Variants in OR10J1 observed in about 807,000 individuals in gnomAD.
OR10J1 encodes the protein olfactory receptor 10J1.
For missense variants in OR10J1, 474 were observed against 376.6 expected, an observed-to-expected ratio of 1.26 and a Z score of -2.14; for synonymous variants, 202 against 143.8, an observed-to-expected ratio of 1.40 and a Z score of -2.89.
At chr1:159,439,414 A>G (rs1655836386), upstream of OR10J1, among the ~76,000 whole-genome samples, 1 of 152,198 alleles carries the variant, frequency 6.6e-6, no homozygotes. Flanking sequence ...TCTGAGTGTA[A>G]TACGGTTTTA....
the OR10J1 span, among the ~76,000 whole-genome samples, chr1:159,409,000 G>A: frequency 2.6e-5 from 4 of 152,002 alleles, no homozygotes; most frequent in Admixed American, 2.6e-4. Context: ...AAGCACCATG[G>A]TGTGTGGGAT....
At chr1:159,416,984 G>T in the OR10J1 span, among the ~76,000 whole-genome samples, 1 of 151,734 alleles carries the variant, frequency 6.6e-6, no homozygotes, top group South Asian at 2.1e-4. Flanking sequence ...CTCTTGGTTA[G>T]TCCATCTAGC....
At chr1:159,404,128 G>A in the OR10J1 span, among the ~76,000 whole-genome samples, 1 of 152,030 alleles carries the variant, frequency 6.6e-6, no homozygotes. Flanking sequence ...GCGGCTTGAG[G>A]GGGAGGTGGG....
chr1:159,437,630 G>T (rs542605461), upstream of OR10J1, among the ~76,000 whole-genome samples: 1 of 152,120 alleles, frequency 6.6e-6, no homozygotes, highest in Non-Finnish European at 1.5e-5. Context: ...CTCCCCAAGC[G>T]CTAGCCTGGA....
chr1:159,421,345 A>G, the OR10J1 span, among the ~76,000 whole-genome samples: 8 of 151,492 alleles, frequency 5.3e-5, no homozygotes, highest in African/African-American at 1.5e-4. Context: ...CTTTTATCTC[A>G]CTGAGATTCT....
At chr1:159,437,280 C>CA (rs1333332669), upstream of OR10J1, among the ~76,000 whole-genome samples, 1 of 152,074 alleles carries the variant, frequency 6.6e-6, no homozygotes, top group East Asian at 1.9e-4. Context: ...TGCCACAGGG[C>CA]AAGGACAGGC....
chr1:159,419,771 C>G, the OR10J1 span, among the ~76,000 whole-genome samples: 1 of 152,102 alleles, frequency 6.6e-6, no homozygotes, highest in Non-Finnish European at 1.5e-5. Context: ...GAGAATGTTT[C>G]TTGTGCTGAT....
At chr1:159,432,893 T>A, upstream of OR10J1, 1 of 422,246 alleles carries the variant, frequency 2.4e-6, no homozygotes. Context: ...CAAGATTGCA[T>A]CAGCTGAGGG....
the OR10J1 span, among the ~76,000 whole-genome samples, chr1:159,419,837 G>T: frequency 2.6e-5 from 4 of 151,956 alleles, no homozygotes; most frequent in African/African-American, 9.7e-5. Flanking sequence ...ATGCCTTTTC[G>T]GTTCATTTGG....
the OR10J1 span, among the ~76,000 whole-genome samples, chr1:159,424,194 T>C: frequency 6.8e-6 from 1 of 147,050 alleles, no homozygotes; most frequent in African/African-American, 2.5e-5. Context: ...CTAGCATGGG[T>C]GACAGAGCAA....
At position 159,440,926 on chromosome 1, in the gene OR10J1, C is replaced by A. The variant is rs1446654543; in HGVS notation, c.*205C>A. ...ATCCCTATTTTTGGGGATAAATAGA[C>A]AAACAAGGATAAGATATGCCTAAAT... On this transcript the variant is annotated 3_prime_UTR_variant, in exon 1 of 1. Coordinates refer to ENST00000423932, the MANE Select transcript of OR10J1 (RefSeq NM_012351.3). The A allele has an allele frequency of 9.5e-6, 5 of 527,094 alleles. No homozygotes were observed. Among genetic ancestry groups the A allele is most frequent in the Middle Eastern group, 9.7e-4 (2 of 2,060 alleles). The allele number at this position is 527,094 out of a possible 1,614,324, so 32.7% of individuals were successfully genotyped here.
At position 159,440,814 on chromosome 1, in the gene OR10J1, G is replaced by T; in HGVS notation, c.*93G>T. On this transcript the variant is annotated 3_prime_UTR_variant, in exon 1 of 1. Transcript: ENST00000423932. ...ACAAACACTTGGCTCCTAGAGACCT[G>T]CCCCTTAAATAAGAGGCAAAAGAGG... 1.5e-6 allele frequency: 2 copies of T among 1,366,790 alleles called. No individual in the cohort carries two copies. Among genetic ancestry groups the T allele is most frequent in the South Asian group, 1.5e-5 (1 of 68,104 alleles). The allele number at this position is 1,366,790 out of a possible 1,614,324, so 84.7% of individuals were successfully genotyped here.
chr1:159,415,762 C>T, the OR10J1 span, among the ~76,000 whole-genome samples: 1 of 151,924 alleles, frequency 6.6e-6, no homozygotes, highest in South Asian at 2.1e-4. Flanking sequence ...ATTTTAAGAA[C>T]ATGAAAATAT....
chr1:159,405,863 C>A, the OR10J1 span: 2 of 760,416 alleles, frequency 2.6e-6, no homozygotes, highest in South Asian at 3.1e-5. Flanking sequence ...ATGACAAAGT[C>A]ATCACAAAAG....
chr1:159,422,465 T>C, the OR10J1 span, among the ~76,000 whole-genome samples: 2 of 152,188 alleles, frequency 1.3e-5, no homozygotes, highest in Non-Finnish European at 2.9e-5. Context: ...CTTGGGGCAC[T>C]TAAAAGTGTG....
At chr1:159,439,676 C>A, upstream of OR10J1, 2 of 1,277,462 alleles carry the variant, frequency 1.6e-6, no homozygotes, top group Admixed American at 1.9e-5. Flanking sequence ...AAATACATCA[C>A]CAGATTTGTA....
At chr1:159,409,107 G>A in the OR10J1 span, among the ~76,000 whole-genome samples, 47 of 151,992 alleles carry the variant, frequency 3.1e-4, no homozygotes, top group Non-Finnish European at 4.0e-4. Context: ...CACTCCATTC[G>A]TAACTGTATT....
the OR10J1 span, among the ~76,000 whole-genome samples, chr1:159,412,345 T>C: frequency 6.6e-6 from 1 of 151,446 alleles, no homozygotes; most frequent in Non-Finnish European, 1.5e-5. Context: ...TACTCTAAAG[T>C]TCATATGCAA....
the OR10J1 span, among the ~76,000 whole-genome samples, chr1:159,413,101 C>G: frequency 6.6e-6 from 1 of 152,236 alleles, no homozygotes; most frequent in African/African-American, 2.4e-5. Flanking sequence ...CTCACCATCA[C>G]TGGCCATCAG....
Sources: gnomAD v4.1 joint callset for allele counts (sites outside exome capture counted in the v4.1 genomes callset) on GRCh38, gnomAD v4.1.1 for gene constraint, MANE v1.5 for transcripts, NCBI Gene and HGNC (gene_info 2026-07-23, HGNC 2026-07-21) for gene names.